The following ANKS1A variants were observed in gnomAD, a reference collection of about 807,000 sequenced individuals.
ANKS1A encodes the protein ankyrin repeat and SAM domain-containing protein 1A.
Under a neutral mutation model 120.3 loss-of-function variants are expected in ANKS1A, and 55 were observed. That is an observed-to-expected ratio of 0.46 (90% CI 0.37 to 0.57). The LOEUF is 0.57. Ranked by LOEUF, ANKS1A falls within the 20% of genes least tolerant of loss-of-function variation. The pLI is 0.00. For synonymous variants in ANKS1A, 590 were observed against 604.7 expected (o/e 0.98, Z 0.36); for missense variants, 1,123 against 1,480.3 (o/e 0.76, Z 3.96).
At chr6:35,068,505 C>A (rs1300931956) in intron 13 of ANKS1A, among the ~76,000 whole-genome samples, 1 of 152,204 alleles carries the variant, frequency 6.6e-6, no homozygotes, top group African/African-American at 2.4e-5. Context: ...TTTGTCCCCG[C>A]ACTCAGCTCT....
At chr6:35,087,881 A>C (rs1197280097) in intron 23 of ANKS1A, among the ~76,000 whole-genome samples, 2 of 152,166 alleles carry the variant, frequency 1.3e-5, no homozygotes, top group Non-Finnish European at 2.9e-5. Flanking sequence ...CAGCCCCTCT[A>C]TCTTCGCCAT....
Position 34,925,735 on chromosome 6 carries a change from T to C in ANKS1A, c.197+36136T>C, listed in dbSNP as rs540719508. On this transcript the variant is annotated intron_variant, in intron 1 of 23. Transcript: ENST00000360359. Reference sequence around the variant, plus strand: ...CCCAAAGGAGCTTTCTTTAGTTATTTTGGAGAAGTGATTCTCAGCCAGGGC... The same window carrying C: ...CCCAAAGGAGCTTTCTTTAGTTATTCTGGAGAAGTGATTCTCAGCCAGGGC... Among the ~76,000 whole-genome samples, 4 of 152,290 alleles carry C rather than the reference T, an allele frequency of 2.6e-5. No homozygotes were observed. In the South Asian group the frequency reaches 8.3e-4, roughly 32 times the overall value.
chr6:34,981,082 C>T (rs1344383348), intron 3 of ANKS1A, among the ~76,000 whole-genome samples: 5 of 152,172 alleles, frequency 3.3e-5, no homozygotes, highest in Admixed American at 2.6e-4. Context: ...GTCAGGGTCC[C>T]TTATTTCTCT....
At chr6:34,919,591 TTGG>T (rs749379061) in intron 1 of ANKS1A, among the ~76,000 whole-genome samples, 45 of 152,076 alleles carry the variant, frequency 3.0e-4, no homozygotes, top group Non-Finnish European at 4.7e-4. Context: ...GAAAATGCAG[TTGG>T]TGGTGGTGAA....
chr6:35,042,943 G>A (rs1327916025), intron 11 of ANKS1A, among the ~76,000 whole-genome samples: 1 of 152,222 alleles, frequency 6.6e-6, no homozygotes, highest in Non-Finnish European at 1.5e-5. Context: ...TGTGGGTGGG[G>A]CAGGGCTCAC....
chr6:34,999,706 G>A (rs1218542958), intron 10 of ANKS1A, among the ~76,000 whole-genome samples: 1 of 152,128 alleles, frequency 6.6e-6, no homozygotes, highest in Non-Finnish European at 1.5e-5. Context: ...TAACCTGTAA[G>A]CCAAGGCACC....
At chr6:35,004,301 C>T (rs12212217) in intron 10 of ANKS1A, among the ~76,000 whole-genome samples, 102,261 of 151,724 alleles carry the variant, frequency 0.67, 36,429 homozygotes, top group Non-Finnish European at 0.8. Context: ...CAGCTGGTCC[C>T]GCTACAGTGA....
chr6:34,938,716 A>G (rs1305981214), intron 1 of ANKS1A, among the ~76,000 whole-genome samples: 1 of 152,082 alleles, frequency 6.6e-6, no homozygotes, highest in African/African-American at 2.4e-5. Context: ...TGGGCCGGGC[A>G]TGGTGGCTCA....
intron 10 of ANKS1A, among the ~76,000 whole-genome samples, chr6:35,005,206 T>G (rs966755309): frequency 6.6e-6 from 1 of 152,300 alleles, no homozygotes; most frequent in East Asian, 1.9e-4. Context: ...TAAATTGCCC[T>G]CCCTTAATGG....
intron 10 of ANKS1A, among the ~76,000 whole-genome samples, chr6:35,009,062 C>G (rs555068744): frequency 6.6e-6 from 1 of 152,130 alleles, no homozygotes; most frequent in African/African-American, 2.4e-5. Context: ...TGTTTATTCC[C>G]GAGACAATGC....
intron 3 of ANKS1A, among the ~76,000 whole-genome samples, chr6:34,973,598 A>G (rs563214070): frequency 1.2e-4 from 19 of 152,346 alleles, no homozygotes; most frequent in African/African-American, 4.6e-4. Flanking sequence ...TGTTCTGAAA[A>G]CAGCTGCCTT....
intron 11 of ANKS1A, among the ~76,000 whole-genome samples, chr6:35,040,941 G>A (rs897606463): frequency 5.9e-5 from 9 of 152,188 alleles, no homozygotes; most frequent in African/African-American, 2.2e-4. Flanking sequence ...CTCTGGGGAA[G>A]GAATAATGTT....
At chr6:34,939,787 G>A (rs911356337) in intron 1 of ANKS1A, among the ~76,000 whole-genome samples, 2 of 152,210 alleles carry the variant, frequency 1.3e-5, no homozygotes, top group African/African-American at 2.4e-5. Context: ...CATTCCCTTG[G>A]TATTTGTTAA....
intron 10 of ANKS1A, among the ~76,000 whole-genome samples, chr6:35,003,656 A>G (rs569044722): frequency 6.6e-6 from 1 of 152,170 alleles, no homozygotes; most frequent in Non-Finnish European, 1.5e-5. Context: ...TGCTACCTGT[A>G]CTTCTTCAAG....
intron 13 of ANKS1A, chr6:35,071,062 T>G (rs1777063473): frequency 2.3e-6 from 1 of 436,194 alleles, no homozygotes; most frequent in African/African-American, 2.1e-5. Context: ...AGACACCTCT[T>G]TCTATTGACT....
At chr6:35,004,869 T>C (rs1444864705) in intron 10 of ANKS1A, among the ~76,000 whole-genome samples, 1 of 152,264 alleles carries the variant, frequency 6.6e-6, no homozygotes, top group Non-Finnish European at 1.5e-5. Flanking sequence ...ATTTGTTATC[T>C]TTATACAAAA....
intron 13 of ANKS1A, among the ~76,000 whole-genome samples, chr6:35,069,793 G>A (rs888974104): frequency 5.9e-5 from 9 of 151,950 alleles, no homozygotes; most frequent in Admixed American, 1.3e-4. Context: ...TTGGGAGGCC[G>A]AGGTGGGTGG....
Position 34,969,793 on chromosome 6 carries a change from G to A in ANKS1A, c.279-217G>A, listed in dbSNP as rs116482356. On this transcript the variant is annotated intron_variant, in intron 2 of 23. Transcript: ENST00000360359. ...GAAAGCCTAAACAGAGAGGTGATGA[G>A]TCAGCATAGCATGGCTCAAGGTGGT... is the stretch of plus-strand genomic sequence containing the variant. Among the ~76,000 whole-genome samples the A allele has an allele frequency of 5.9e-3, 906 of 152,306 alleles. 7 individuals carry two copies. The highest frequency in any genetic ancestry group is 0.018 in the African/African-American group (741 of 41,548).
At chr6:34,956,049 G>A (rs932370465) in intron 1 of ANKS1A, among the ~76,000 whole-genome samples, 1 of 151,906 alleles carries the variant, frequency 6.6e-6, no homozygotes, top group African/African-American at 2.4e-5. Flanking sequence ...TTTCTTTGAT[G>A]ATCTTTTTTT....
Sources: gnomAD v4.1 joint callset for allele counts (sites outside exome capture counted in the v4.1 genomes callset) on GRCh38, gnomAD v4.1.1 for gene constraint, MANE v1.5 for transcripts, NCBI Gene and HGNC (gene_info 2026-07-23, HGNC 2026-07-21) for gene names.